The following CTNNA2 variants were observed in gnomAD, a reference collection of about 807,000 sequenced individuals.
CTNNA2 encodes the protein catenin alpha-2.
A neutral mutation model predicts 101.0 loss-of-function variants in CTNNA2; 42 were observed. The ratio of observed to expected loss-of-function variants is 0.42; its 90% CI spans 0.32 to 0.54. CTNNA2 has a LOEUF of 0.54. CTNNA2 is among the 20% of genes least tolerant of loss of function. The probability of loss-of-function intolerance (pLI) is 0.14; values close to 1 mark genes in which losing one functional copy is unlikely to be tolerated. For synonymous variants in CTNNA2, 450 were observed against 456.4 expected (o/e 0.99, Z 0.18); for missense variants, 871 against 1,223.1 (o/e 0.71, Z 4.29).
At chr2:80,012,684 C>T (rs763403430) in intron 7 of CTNNA2, among the ~76,000 whole-genome samples, 2 of 152,054 alleles carry the variant, frequency 1.3e-5, no homozygotes, top group Non-Finnish European at 1.5e-5. Context: ...GGATTTGGCC[C>T]GTGGGTTTTA....
chr2:79,724,681 C>T (rs1217015576), intron 2 of CTNNA2, among the ~76,000 whole-genome samples: 3 of 151,412 alleles, frequency 2.0e-5, no homozygotes, highest in South Asian at 2.1e-4. Flanking sequence ...TGGGTGTGGT[C>T]GTGGGCGCCT....
At chr2:79,392,443 T>C (rs184999426) in intron 4 of CTNNA2, among the ~76,000 whole-genome samples, 1 of 152,270 alleles carries the variant, frequency 6.6e-6, no homozygotes, top group East Asian at 1.9e-4. Flanking sequence ...CTGAAATCCA[T>C]GGTTACTATT....
intron 3 of CTNNA2, among the ~76,000 whole-genome samples, chr2:79,831,788 CTTCAA>C (rs1362281397): frequency 1.4e-5 from 2 of 143,428 alleles, no homozygotes; most frequent in African/African-American, 5.0e-5. Context: ...ATCTTCTACC[CTTCAA>C]TTAAAAAAAA....
intron 8 of CTNNA2, among the ~76,000 whole-genome samples, chr2:80,412,541 A>C (rs955862723): frequency 4.6e-5 from 7 of 152,220 alleles, no homozygotes; most frequent in African/African-American, 1.7e-4. Flanking sequence ...ATTATTTTCA[A>C]GATGTCTCTA....
chr2:80,005,121 A>G lies in CTNNA2; in HGVS notation c.1056+95324A>G, dbSNP rs184481748. On this transcript the variant is annotated intron_variant, in intron 7 of 18. Coordinates refer to ENST00000402739, the MANE Select transcript of CTNNA2 (RefSeq NM_001282597.3). ...GAATGGTACTGGTTGGAAGTAACAC[A>G]GGAAAGACTGAGAAGTGCTGGATTG... Among the ~76,000 whole-genome samples the G allele has an allele frequency of 1.9e-4, 29 of 152,314 alleles. 1 individual carries two copies. The highest frequency in any genetic ancestry group is 1.8e-3 in the Admixed American group (28 of 15,294).
intron 7 of CTNNA2, among the ~76,000 whole-genome samples, chr2:80,006,694 A>G (rs543642494): frequency 6.6e-6 from 1 of 152,298 alleles, no homozygotes; most frequent in South Asian, 2.1e-4. Context: ...ATGGGTGTGG[A>G]TGCTGAGGCT....
intron 3 of CTNNA2, among the ~76,000 whole-genome samples, chr2:79,315,916 G>A (rs940005170): frequency 5.3e-5 from 8 of 152,054 alleles, no homozygotes; most frequent in South Asian, 4.2e-4. Flanking sequence ...TTACCACCAC[G>A]TTATTATCTG....
chr2:80,337,436 A>G (rs1671850724), intron 7 of CTNNA2, among the ~76,000 whole-genome samples: 1 of 151,928 alleles, frequency 6.6e-6, no homozygotes, highest in Admixed American at 6.6e-5. Context: ...TGCTGTAGGA[A>G]TGCTCTATTT....
intron 9 of CTNNA2, among the ~76,000 whole-genome samples, chr2:80,429,047 T>C (rs1028369472): frequency 3.3e-5 from 5 of 152,182 alleles, no homozygotes; most frequent in African/African-American, 7.2e-5. Context: ...AGCTATTTTG[T>C]TCAGCTCACT....
intron 5 of CTNNA2, among the ~76,000 whole-genome samples, chr2:79,507,212 C>T (rs986883085): frequency 6.6e-6 from 1 of 152,162 alleles, no homozygotes; most frequent in African/African-American, 2.4e-5. Flanking sequence ...TCTTTGAGTT[C>T]TAAAATTATG....
chr2:80,423,081 GCT>G (rs1559097406), intron 9 of CTNNA2, among the ~76,000 whole-genome samples: 2 of 151,166 alleles, frequency 1.3e-5, no homozygotes, highest in African/African-American at 2.5e-5. Flanking sequence ...TAATTAGTAT[GCT>G]CTCTTTTTTC....
intron 11 of CTNNA2, among the ~76,000 whole-genome samples, chr2:80,553,598 C>T: frequency 6.6e-6 from 1 of 152,034 alleles, no homozygotes; most frequent in Non-Finnish European, 1.5e-5. Flanking sequence ...ATTTTTTTCT[C>T]AACTCCAAAG....
At chr2:79,763,181 T>A (rs1008228427) in intron 3 of CTNNA2, among the ~76,000 whole-genome samples, 19 of 152,328 alleles carry the variant, frequency 1.2e-4, no homozygotes, top group African/African-American at 3.1e-4. Flanking sequence ...TTATCTTTTT[T>A]AAATCTTCAA....
intron 7 of CTNNA2, among the ~76,000 whole-genome samples, chr2:79,923,489 A>G (rs1368632518): frequency 6.6e-6 from 1 of 152,148 alleles, no homozygotes; most frequent in Non-Finnish European, 1.5e-5. Flanking sequence ...TTTATGGGGT[A>G]CTATGTGATG....
At chr2:79,616,391 A>T (rs1309118534) in intron 1 of CTNNA2, among the ~76,000 whole-genome samples, 1 of 152,224 alleles carries the variant, frequency 6.6e-6, no homozygotes, top group East Asian at 1.9e-4. Context: ...TGTAAAACAG[A>T]ATGCTAACAG....
At chr2:79,329,967 A>G (rs1460819127) in intron 3 of CTNNA2, among the ~76,000 whole-genome samples, 1 of 152,156 alleles carries the variant, frequency 6.6e-6, no homozygotes, top group Admixed American at 6.5e-5. Context: ...GCCCAAAAAC[A>G]TGACAGGCTT....
chr2:80,375,110 C>A (rs1675817262), intron 7 of CTNNA2, among the ~76,000 whole-genome samples: 1 of 152,114 alleles, frequency 6.6e-6, no homozygotes, highest in African/African-American at 2.4e-5. Context: ...CTTAAGAAAA[C>A]AAAATTATGA....
intron 3 of CTNNA2, among the ~76,000 whole-genome samples, chr2:79,327,696 C>A (rs1237868606): frequency 6.6e-6 from 1 of 152,128 alleles, no homozygotes; most frequent in Non-Finnish European, 1.5e-5. Context: ...GGAAAGGACT[C>A]CTGCACCTCA....
chr2:80,173,921 T>C (rs1195314053), intron 7 of CTNNA2, among the ~76,000 whole-genome samples: 1 of 152,102 alleles, frequency 6.6e-6, no homozygotes, highest in Non-Finnish European at 1.5e-5. Context: ...AAGAAAAGAC[T>C]CTTCTTCTCT....
Sources: allele counts gnomAD v4.1 joint callset (sites outside exome capture counted in the v4.1 genomes callset), GRCh38; gene constraint gnomAD v4.1.1; transcripts MANE v1.5; gene names NCBI Gene and HGNC (gene_info 2026-07-23, HGNC 2026-07-21).